Variants in VTI1A observed in about 807,000 individuals in gnomAD.
The protein encoded by VTI1A is vesicle transport through interaction with t-SNAREs homolog 1A.
In VTI1A, 22 loss-of-function variants were observed where a neutral mutation model predicts 34.9. The observed-to-expected ratio is 0.63, with a 90% CI of 0.45 to 0.90. The LOEUF (loss-of-function observed/expected upper bound fraction) is 0.90, where lower values mean the gene tolerates loss of function less well. VTI1A is among the 40% of genes least tolerant of loss of function. The pLI, the probability that VTI1A is intolerant of heterozygous loss-of-function variation, is 0.00. For synonymous variants in VTI1A, 87 were observed against 97.3 expected (o/e 0.89, Z 0.62); for missense variants, 268 against 275.6 (o/e 0.97, Z 0.20).
At chr10:112,515,369 A>T (rs1849741585) in intron 3 of VTI1A, among the ~76,000 whole-genome samples, 1 of 152,118 alleles carries the variant, frequency 6.6e-6, no homozygotes, top group Admixed American at 6.6e-5. Context: ...TGAAAATTAT[A>T]TTATTTTTTA....
chr10:112,494,256 C>T (rs1848934402), intron 3 of VTI1A, among the ~76,000 whole-genome samples: 1 of 151,862 alleles, frequency 6.6e-6, no homozygotes, highest in Admixed American at 6.6e-5. Flanking sequence ...TGTTTATAAT[C>T]TTTTTTATTT....
At chr10:112,807,450 A>G (rs1315876841) in intron 7 of VTI1A, among the ~76,000 whole-genome samples, 3 of 152,166 alleles carry the variant, frequency 2.0e-5, no homozygotes, top group Non-Finnish European at 4.4e-5. Flanking sequence ...ATGTGGCAAC[A>G]TCATTCCAGT....
At chr10:112,667,823 A>C (rs1292228393) in intron 5 of VTI1A, among the ~76,000 whole-genome samples, 1 of 152,196 alleles carries the variant, frequency 6.6e-6, no homozygotes, top group Non-Finnish European at 1.5e-5. Flanking sequence ...TACATATGCA[A>C]AATGAAAGGG....
At chr10:112,647,033 A>G (rs1846819408) in intron 5 of VTI1A, among the ~76,000 whole-genome samples, 1 of 151,966 alleles carries the variant, frequency 6.6e-6, no homozygotes, top group East Asian at 1.9e-4. Context: ...TTATAATCCT[A>G]CCTCTGACCT....
At chr10:112,736,107 G>GTATATATA (rs1468293852) in intron 7 of VTI1A, among the ~76,000 whole-genome samples, 1,443 of 100,692 alleles carry the variant, frequency 0.014, 35 homozygotes, top group African/African-American at 0.047. Context: ...ATATATGTGT[G>GTATATATA]TGTGTATATA....
intron 7 of VTI1A, among the ~76,000 whole-genome samples, chr10:112,734,973 A>C (rs901847212): frequency 1.3e-5 from 2 of 152,162 alleles, no homozygotes; most frequent in African/African-American, 4.8e-5. Context: ...TTTCTTCTCC[A>C]AAGAAAAAAC....
intron 1 of VTI1A, chr10:112,448,835 C>T (rs915896247): frequency 2.0e-5 from 3 of 152,170 alleles, no homozygotes; most frequent in East Asian, 1.9e-4. Flanking sequence ...TAATTTTCTT[C>T]CCTTATTTCT....
At chr10:112,499,634 T>C (rs751834600) in intron 3 of VTI1A, among the ~76,000 whole-genome samples, 9 of 152,236 alleles carry the variant, frequency 5.9e-5, no homozygotes, top group Non-Finnish European at 1.2e-4. Flanking sequence ...ATTAAACTTA[T>C]TATCTTTTCT....
At chr10:112,850,368 A>G in the VTI1A span, among the ~76,000 whole-genome samples, 1 of 151,714 alleles carries the variant, frequency 6.6e-6, no homozygotes, top group Non-Finnish European at 1.5e-5. Flanking sequence ...GAAAAAAAAA[A>G]AAAGAAACAG....
chr10:112,743,601 G>A (rs935201030), intron 7 of VTI1A, among the ~76,000 whole-genome samples: 1 of 152,088 alleles, frequency 6.6e-6, no homozygotes, highest in Non-Finnish European at 1.5e-5. Flanking sequence ...AGCCAGGGGG[G>A]AGATATTTCA....
At chr10:112,664,322 A>C (rs1163726509) in intron 5 of VTI1A, among the ~76,000 whole-genome samples, 2 of 152,164 alleles carry the variant, frequency 1.3e-5, no homozygotes, top group Admixed American at 6.5e-5. Flanking sequence ...TGTGAGCTTC[A>C]GTCAGTCCTA....
At chr10:112,784,803 C>T (rs1325448715) in intron 7 of VTI1A, among the ~76,000 whole-genome samples, 4 of 151,944 alleles carry the variant, frequency 2.6e-5, no homozygotes, top group South Asian at 4.1e-4. Context: ...CTAGTCAAAA[C>T]GAAAAAAATT....
chr10:112,478,946 A>G (rs937431037), intron 3 of VTI1A, among the ~76,000 whole-genome samples: 6 of 152,126 alleles, frequency 3.9e-5, no homozygotes, highest in Non-Finnish European at 8.8e-5. Context: ...AGACGGGCGG[A>G]TCACAAGGTC....
intron 7 of VTI1A, among the ~76,000 whole-genome samples, chr10:112,742,750 A>G (rs1038059272): frequency 1.3e-5 from 2 of 152,210 alleles, no homozygotes; most frequent in Non-Finnish European, 1.5e-5. Context: ...GAAAATGTCC[A>G]TTTATACTTC....
chr10:112,581,963 A>G (rs1452524289), intron 5 of VTI1A, among the ~76,000 whole-genome samples: 7 of 152,234 alleles, frequency 4.6e-5, no homozygotes, highest in Non-Finnish European at 8.8e-5. Flanking sequence ...ACTTCACGGC[A>G]ATATCTCTGA....
chr10:112,830,909 G>A, the VTI1A span, among the ~76,000 whole-genome samples: 2 of 141,500 alleles, frequency 1.4e-5, no homozygotes, highest in Admixed American at 1.5e-4. Context: ...GAGTGCAGTG[G>A]CACGATCATG....
chr10:112,572,944 T>C (rs1852199569), intron 5 of VTI1A, among the ~76,000 whole-genome samples: 2 of 152,098 alleles, frequency 1.3e-5, no homozygotes, highest in African/African-American at 4.8e-5. Context: ...TCAAATAAAT[T>C]ATTGCTGCTT....
intron 7 of VTI1A, chr10:112,752,538 T>C (rs1851138724): frequency 3.0e-6 from 3 of 985,470 alleles, no homozygotes; most frequent in Non-Finnish European, 3.6e-6. Context: ...GCTGAAGGTA[T>C]GATTCTCCTT....
Position 112,815,319 on chromosome 10 carries a change from T to A in VTI1A, c.590T>A (p.Ile197Asn). The A allele has an allele frequency of 6.2e-7, 1 of 1,613,980 alleles. No homozygotes were observed. Among genetic ancestry groups the A allele is most frequent in the Non-Finnish European group, 8.5e-7 (1 of 1,179,982 alleles). The change falls in exon 8 of 8, where the codon ATC (isoleucine) becomes AAC (asparagine). Residue 197 changes from isoleucine to asparagine, a missense_variant. By Grantham distance (149) the Ile-to-Asn change is moderately radical. Transcript: ENST00000393077. ...ATCCAGAACCGCATCCTGCTCGTCA[T>A]CCTAGGGATCATCGTGGTCATCACC... Reference protein sequence around the residue: ...RIIQNRILLVILGIIVVITIL... With the variant: ...RIIQNRILLVNLGIIVVITIL...
Sources: allele counts gnomAD v4.1 joint callset (sites outside exome capture counted in the v4.1 genomes callset), GRCh38; gene constraint gnomAD v4.1.1; transcripts MANE v1.5; gene names NCBI Gene and HGNC (gene_info 2026-07-23, HGNC 2026-07-21).